Variants in NLRC5 observed in about 807,000 individuals in gnomAD.
NLRC5 encodes the protein NLR family CARD domain containing 5.
Under a neutral mutation model 206.9 loss-of-function variants are expected in NLRC5, and 114 were observed. The observed-to-expected ratio is 0.55, with a 90% CI of 0.47 to 0.64. NLRC5 has a LOEUF of 0.64. Ranked by LOEUF, NLRC5 falls within the 30% of genes least tolerant of loss-of-function variation. NLRC5 has a pLI of 0.00. For synonymous variants in NLRC5, 952 were observed against 962.8 expected (o/e 0.99, Z 0.21); for missense variants, 2,008 against 2,305.5 (o/e 0.87, Z 2.64).
intron 28 of NLRC5, chr16:57,058,636 C>G (rs559299980): frequency 4.0e-4 from 147 of 371,286 alleles, no homozygotes; most frequent in Non-Finnish European, 1.1e-4. Flanking sequence ...CTCCAGGACA[C>G]CACTTGTTGC....
Position 57,026,343 on chromosome 16 carries a change from G to C in NLRC5, c.1400G>C (p.Gly467Ala), listed in dbSNP as rs200312421. Residue 467 changes from glycine to alanine, a missense_variant, in exon 6 of 49, where the codon GGC becomes GCC. Gly to Ala is a moderately conservative substitution (Grantham distance 60, BLOSUM62 0). Coordinates refer to ENST00000688547, the MANE Select transcript of NLRC5 (RefSeq NM_001384950.1). The stretch of plus-strand genomic sequence containing the variant: ...GACCTGGGGGAGGTGGCCCTGAGGG[G>C]CCTGGAGACAGGGAAGGTTATCTTC... Reference protein sequence around the residue: ...LLDLGEVALRGLETGKVIFYA... With the variant: ...LLDLGEVALRALETGKVIFYA... The C allele has an allele frequency of 2.5e-6, 4 of 1,613,970 alleles. No individual in the cohort carries two copies. The highest frequency in any genetic ancestry group is 1.1e-5 in the South Asian group (1 of 91,090).
intron 40 of NLRC5, 77 bp downstream of exon 40, chr16:57,076,979 CA>C (rs1228433194): frequency 3.2e-6 from 4 of 1,267,844 alleles, no homozygotes; most frequent in Non-Finnish European, 3.4e-6. Context: ...GCTACCTGAG[CA>C]CGCCCTTTGC....
rs898346454 is a variant in NLRC5 at position 57,082,321 on chromosome 16, C to T, written c.5490-96C>T. On this transcript the variant is annotated intron_variant, in intron 48 of 48. Coordinates refer to ENST00000688547, the MANE Select transcript of NLRC5 (RefSeq NM_001384950.1). ...TGCCTCTGCCAGGTAACTCTAGGCA[C>T]AGCTCTACCTTTTTGGGCCTCAGCC... 9.8e-5 allele frequency: 94 copies of T among 957,020 alleles called. No homozygotes were observed. The South Asian group carries it at 1.4e-3, about 14-fold the overall frequency. 59.3% of individuals were successfully genotyped at this position (957,020 alleles called of 1,614,324 possible).
At chr16:57,059,217 C>T in intron 29 of NLRC5, 156 bp downstream of exon 29, 1 of 1,510,166 alleles carries the variant, frequency 6.6e-7, no homozygotes, top group Non-Finnish European at 8.8e-7. Context: ...GTTTCCTGGG[C>T]ATGGGATCAT....
intron 11 of NLRC5, among the ~76,000 whole-genome samples, chr16:57,033,111 G>T (rs2062072584): frequency 6.6e-6 from 1 of 152,146 alleles, no homozygotes; most frequent in Non-Finnish European, 1.5e-5. Flanking sequence ...GAGAGTCTGT[G>T]GTTTACCATA....
chr16:56,997,968 G>A (rs1448396519), intron 1 of NLRC5, among the ~76,000 whole-genome samples: 2 of 152,104 alleles, frequency 1.3e-5, no homozygotes, highest in African/African-American at 2.4e-5. Context: ...CACAAACCAT[G>A]GCCCAAAGGG....
At chr16:57,003,596 C>T (rs2058556211) in intron 1 of NLRC5, among the ~76,000 whole-genome samples, 1 of 152,134 alleles carries the variant, frequency 6.6e-6, no homozygotes, top group South Asian at 2.1e-4. Context: ...TGCCTCCCTC[C>T]CCCGCCCACT....
chr16:57,018,579 T>C (rs868570514), intron 2 of NLRC5, among the ~76,000 whole-genome samples: 3 of 152,174 alleles, frequency 2.0e-5, no homozygotes, highest in South Asian at 4.1e-4. Context: ...ATGTCTCTAC[T>C]GCATGCCCAG....
intron 28 of NLRC5, chr16:57,058,530 T>C: frequency 3.1e-6 from 1 of 323,980 alleles, no homozygotes; most frequent in Non-Finnish European, 5.8e-6. Flanking sequence ...CTGTGGAACA[T>C]AAATGTGGAG....
At chr16:56,997,546 C>T (rs1307233995) in intron 1 of NLRC5, among the ~76,000 whole-genome samples, 1 of 152,056 alleles carries the variant, frequency 6.6e-6, no homozygotes. Context: ...GCCCTCCTGA[C>T]CCCAGAGGAT....
intron 24 of NLRC5, among the ~76,000 whole-genome samples, chr16:57,052,126 C>G (rs1042356683): frequency 6.6e-6 from 1 of 152,182 alleles, no homozygotes; most frequent in African/African-American, 2.4e-5. Flanking sequence ...AAGCAGAATT[C>G]CCCCAAAGTA....
At chr16:57,047,864 C>A in intron 23 of NLRC5, 2 of 563,552 alleles carry the variant, frequency 3.5e-6, no homozygotes, top group South Asian at 4.3e-5. Context: ...GAAGCCTTCA[C>A]CTGCACCATC....
At chr16:57,029,745 A>G (rs1476789307) in intron 8 of NLRC5, 28 bp from the exon 9 acceptor site, 2 of 1,608,160 alleles carry the variant, frequency 1.2e-6, no homozygotes, top group Non-Finnish European at 1.7e-6. Flanking sequence ...CCCCAGGGCA[A>G]AGGGACTGGG....
chr16:57,000,700 G>T (rs1382597761), intron 1 of NLRC5, among the ~76,000 whole-genome samples: 3 of 152,170 alleles, frequency 2.0e-5, no homozygotes, highest in Admixed American at 6.5e-5. Context: ...CAGAGACGAT[G>T]GTTTTCACAG....
intron 1 of NLRC5, among the ~76,000 whole-genome samples, chr16:56,995,069 G>C (rs1179772280): frequency 6.6e-6 from 1 of 152,170 alleles, no homozygotes; most frequent in Non-Finnish European, 1.5e-5. Flanking sequence ...AGCTACTCTG[G>C]AGGCTGAGGC....
intron 26 of NLRC5, 28 bp from the exon 27 acceptor site, chr16:57,055,405 C>T: frequency 6.2e-7 from 1 of 1,609,496 alleles, no homozygotes; most frequent in Middle Eastern, 1.7e-4. Flanking sequence ...CGCCCCATCC[C>T]CTGCTTGTCC....
chr16:57,022,260 C>A lies in NLRC5; in HGVS notation c.300C>A (p.Phe100Leu). The change falls in exon 4 of 49, where the codon TTC becomes TTA. Residue 100 changes from phenylalanine to leucine, a missense_variant. Physicochemically the swap from Phe to Leu is conservative, Grantham distance 22 (BLOSUM62 0). Transcript: ENST00000688547. Reference protein sequence around the residue: ...LLSTFGYDDGFTSQLGAEGKS... With the variant: ...LLSTFGYDDGLTSQLGAEGKS... ...ATACTCTCCCCTCTCTTGCAGGGTTCACCAGCCAGCTGGGAGCTGAGGGGA... is the reference window on the plus strand; with the variant it reads ...ATACTCTCCCCTCTCTTGCAGGGTTAACCAGCCAGCTGGGAGCTGAGGGGA... The A allele has an allele frequency of 6.2e-7, 1 of 1,611,752 alleles. No homozygotes were observed. Among genetic ancestry groups the A allele is most frequent in the Non-Finnish European group, 8.5e-7 (1 of 1,178,084 alleles).
chr16:57,061,751 CA>C (rs1184914725), intron 32 of NLRC5, 50 bp downstream of exon 32: 9 of 1,577,456 alleles, frequency 5.7e-6, no homozygotes, highest in Admixed American at 1.8e-5. Flanking sequence ...TGAATGGGAG[CA>C]GGGGTGGGCA....
At position 57,031,414 on chromosome 16, in the gene NLRC5, C is replaced by T. The variant is rs1308687171; in HGVS notation, c.2428C>T (p.Leu810Phe). 37 of 1,613,664 alleles carry T rather than the reference C, an allele frequency of 2.3e-5. No individual in the cohort carries two copies. The highest frequency in any genetic ancestry group is 3.1e-5 in the Non-Finnish European group (36 of 1,179,954). Residue 810 changes from leucine to phenylalanine, a missense_variant, in exon 11 of 49, where the codon CTC (leucine) becomes TTC (phenylalanine). Coordinates refer to ENST00000688547, the MANE Select transcript of NLRC5 (RefSeq NM_001384950.1). ...TATCTGATCCTGCAGGGAGGCGGAC[C>T]TCATCTTCCTTCTTTCCCCGCCCAC... ...VRMLQAREAD[L>F]IFLLSPPTET...
Sources: gnomAD v4.1 joint callset for allele counts (sites outside exome capture counted in the v4.1 genomes callset) on GRCh38, gnomAD v4.1.1 for gene constraint, MANE v1.5 for transcripts, NCBI Gene and HGNC (gene_info 2026-07-23, HGNC 2026-07-21) for gene names.